Variants in TTC27 observed in about 807,000 individuals in gnomAD.
TTC27 encodes the protein tetratricopeptide repeat domain 27, also known as tetratricopeptide repeat protein 27.
TTC27 carries 79 observed loss-of-function variants against 115.9 expected under a neutral mutation model. The observed-to-expected ratio is 0.68, with a 90% CI of 0.57 to 0.82. The LOEUF (loss-of-function observed/expected upper bound fraction) is 0.82, where lower values mean the gene tolerates loss of function less well. Among genes scored for constraint, TTC27 ranks in the 40% least tolerant of loss-of-function variants. TTC27 has a pLI of 0.00. For synonymous variants in TTC27, 401 were observed against 356.0 expected (o/e 1.13, Z -1.42); for missense variants, 1,054 against 993.1 (o/e 1.06, Z -0.82).
intron 5 of TTC27, among the ~76,000 whole-genome samples, chr2:32,657,629 G>C (rs1010401463): frequency 1.6e-4 from 24 of 151,954 alleles, no homozygotes; most frequent in African/African-American, 5.6e-4. Context: ...CTTAGCTGTA[G>C]GTGTTTCTGC....
At chr2:32,706,672 C>A (rs1429475603) in intron 10 of TTC27, among the ~76,000 whole-genome samples, 1 of 152,036 alleles carries the variant, frequency 6.6e-6, no homozygotes. Context: ...TCAAGCGATT[C>A]TCATGCCTCA....
intron 10 of TTC27, among the ~76,000 whole-genome samples, chr2:32,732,008 A>G (rs746214167): frequency 7.3e-5 from 11 of 150,690 alleles, no homozygotes; most frequent in Non-Finnish European, 1.2e-4. Flanking sequence ...TAAATTTTAC[A>G]ATGTTGCTTT....
intron 15 of TTC27, 71 bp from the exon 16 acceptor site, chr2:32,786,913 C>T (rs1374674716): frequency 9.3e-6 from 12 of 1,294,518 alleles, no homozygotes; most frequent in Non-Finnish European, 6.4e-6. Flanking sequence ...GTATTTTATA[C>T]ATTTAGCTAT....
intron 9 of TTC27, among the ~76,000 whole-genome samples, chr2:32,681,502 C>A (rs774325697): frequency 2.0e-5 from 3 of 152,048 alleles, no homozygotes; most frequent in Non-Finnish European, 4.4e-5. Flanking sequence ...GTACAAACAG[C>A]CCCCAACTTA....
At chr2:32,784,979 C>T (rs1670299915) in intron 15 of TTC27, among the ~76,000 whole-genome samples, 3 of 152,044 alleles carry the variant, frequency 2.0e-5, no homozygotes, top group Admixed American at 1.3e-4. Context: ...TTTTGAGTTC[C>T]CTTGTATTTT....
At chr2:32,656,299 A>T (rs917964232) in intron 5 of TTC27, among the ~76,000 whole-genome samples, 5 of 152,258 alleles carry the variant, frequency 3.3e-5, no homozygotes, top group African/African-American at 1.2e-4. Flanking sequence ...CAGAGTAAGG[A>T]ATGAGGGAGA....
intron 5 of TTC27, among the ~76,000 whole-genome samples, chr2:32,654,988 G>A (rs1025149370): frequency 6.5e-5 from 9 of 138,616 alleles, no homozygotes; most frequent in African/African-American, 1.4e-4. Flanking sequence ...GAGCCACTGC[G>A]TCTGGCCTTT....
At chr2:32,719,059 G>A (rs140420551) in intron 10 of TTC27, among the ~76,000 whole-genome samples, 30 of 152,290 alleles carry the variant, frequency 2.0e-4, no homozygotes, top group African/African-American at 6.7e-4. Flanking sequence ...CCCAAGTGAA[G>A]AACCACAAAC....
chr2:32,762,853 G>A (rs1208629960), intron 13 of TTC27, among the ~76,000 whole-genome samples: 1 of 152,130 alleles, frequency 6.6e-6, no homozygotes, highest in Non-Finnish European at 1.5e-5. Flanking sequence ...TGTTGGTCAG[G>A]CTGGTCTTGA....
At chr2:32,739,041 T>A (rs1668540091) in intron 12 of TTC27, among the ~76,000 whole-genome samples, 1 of 152,246 alleles carries the variant, frequency 6.6e-6, no homozygotes, top group African/African-American at 2.4e-5. Context: ...TTACAACTGA[T>A]AGCATCTCAA....
chr2:32,641,537 C>A (rs1443098730), intron 4 of TTC27, among the ~76,000 whole-genome samples: 1 of 152,248 alleles, frequency 6.6e-6, no homozygotes, highest in Non-Finnish European at 1.5e-5. Flanking sequence ...GATTTGCGCA[C>A]AGGCTGTGCC....
At position 32,633,933 on chromosome 2, in the gene TTC27, C is replaced by G; in HGVS notation, c.324C>G (p.Asn108Lys). 1.2e-6 allele frequency: 2 copies of G among 1,614,028 alleles called. No homozygotes were observed. The highest frequency in any genetic ancestry group is 1.7e-6 in the Non-Finnish European group (2 of 1,179,970). Residue 108 changes from asparagine (N) to lysine (K), a missense_variant, in exon 3 of 20, where the codon AAC (asparagine) becomes AAG (lysine). Transcript: ENST00000317907. ...VSSLQLFVQS[N>K]WTGPPVDLHP... ...GTTTGCAACTTTTTGTTCAGAGCAA[C>G]TGGACGGGGCCCCCTGTTGACTTAC...
intron 16 of TTC27, among the ~76,000 whole-genome samples, chr2:32,788,722 T>A (rs550742762): frequency 6.6e-6 from 1 of 152,268 alleles, no homozygotes; most frequent in African/African-American, 2.4e-5. Context: ...CTTGAGAAAA[T>A]CCTGGTCATC....
Position 32,817,595 on chromosome 2 carries a change from A to G in TTC27, c.2409+38A>G, listed in dbSNP as rs746411935. 6.5e-6 allele frequency: 10 copies of G among 1,545,808 alleles called. No homozygotes were observed. The East Asian group carries it at 6.7e-5, about 10-fold the overall frequency. On this transcript the variant is annotated intron_variant, in intron 19 of 19. Transcript: ENST00000317907. ...TGTGAATTAATTGGAATTGTCATATAGAAAAAGGTCATTAGTATCAGCTTA... is the reference window on the plus strand; with the variant it reads ...TGTGAATTAATTGGAATTGTCATATGGAAAAAGGTCATTAGTATCAGCTTA...
intron 16 of TTC27, among the ~76,000 whole-genome samples, chr2:32,808,196 G>A (rs7577845): frequency 0.65 from 99,144 of 151,958 alleles, 33,236 homozygotes; most frequent in African/African-American, 0.81. Context: ...CTGCCTCCCA[G>A]AGTGCTGGGA....
intron 13 of TTC27, among the ~76,000 whole-genome samples, chr2:32,762,624 T>C (rs1669478976): frequency 7.4e-6 from 1 of 134,856 alleles, no homozygotes; most frequent in Non-Finnish European, 1.6e-5. Context: ...GTTTAGTTTT[T>C]TGGGTTTTTT....
intron 12 of TTC27, among the ~76,000 whole-genome samples, chr2:32,753,156 G>A (rs1239384856): frequency 6.6e-6 from 1 of 152,094 alleles, no homozygotes; most frequent in African/African-American, 2.4e-5. Context: ...TTCTCCACAT[G>A]AATTAGCTTG....
At chr2:32,670,577 AT>A (rs1246590105) in intron 7 of TTC27, among the ~76,000 whole-genome samples, 1 of 152,058 alleles carries the variant, frequency 6.6e-6, no homozygotes, top group African/African-American at 2.4e-5. Flanking sequence ...CCTAGAAAAT[AT>A]GTATGTAAGT....
chr2:32,685,013 T>G (rs1033131988), intron 9 of TTC27, among the ~76,000 whole-genome samples: 4 of 138,340 alleles, frequency 2.9e-5, no homozygotes, highest in East Asian at 2.1e-4. Flanking sequence ...CTTTGCCTTT[T>G]CCTTTTTTTT....
Sources: gnomAD v4.1 joint callset for allele counts (sites outside exome capture counted in the v4.1 genomes callset) on GRCh38, gnomAD v4.1.1 for gene constraint, MANE v1.5 for transcripts, NCBI Gene and HGNC (gene_info 2026-07-23, HGNC 2026-07-21) for gene names.